Variants in PTCHD4 observed in about 807,000 individuals in gnomAD.
PTCHD4 encodes patched domain containing 4.
A neutral mutation model predicts 58.1 loss-of-function variants in PTCHD4; 33 were observed. The observed-to-expected ratio is 0.57, with a 90% confidence interval of 0.43 to 0.76. The LOEUF is 0.76. Among genes scored for constraint, PTCHD4 ranks in the 30% least tolerant of loss-of-function variants. PTCHD4 has a pLI of 0.00. For synonymous variants in PTCHD4, 478 were observed against 409.6 expected (o/e 1.17, Z -2.02); for missense variants, 1,058 against 1,027.1 (o/e 1.03, Z -0.41).
chr6:48,099,306 A>T (rs1457481966), intron 1 of PTCHD4, among the ~76,000 whole-genome samples: 1 of 152,200 alleles, frequency 6.6e-6, no homozygotes, highest in Non-Finnish European at 1.5e-5. Context: ...GGCCTTGAAG[A>T]AGCAGGCCAT....
At chr6:47,896,191 T>C (rs1764523196) in intron 4 of PTCHD4, among the ~76,000 whole-genome samples, 1 of 152,214 alleles carries the variant, frequency 6.6e-6, no homozygotes, top group Non-Finnish European at 1.5e-5. Context: ...TTTCATTTTC[T>C]GTACTGTAGT....
In PTCHD4 at chr6:47,872,851, C is replaced by T. The variant is rs1221024400; in HGVS notation, c.*5452G>A. ...TTATACTATAAATATATTCTTAACC[C>T]TATATATTGCTCTTTTGAGTTGTTT... On this transcript the variant is annotated 3_prime_UTR_variant, in exon 5 of 5. Transcript: ENST00000339488. Among the ~76,000 whole-genome samples the T allele has an allele frequency of 1.3e-5, 2 of 151,428 alleles. No individual in the cohort carries two copies. The highest frequency in any genetic ancestry group is 3.0e-5 in the Non-Finnish European group (2 of 67,690).
chr6:48,011,483 G>C (rs532227942), intron 3 of PTCHD4, among the ~76,000 whole-genome samples: 11 of 152,192 alleles, frequency 7.2e-5, no homozygotes, highest in Middle Eastern at 3.4e-3. Flanking sequence ...TTCTTTGTCA[G>C]ATGGATAGAT....
chr6:48,040,619 G>A (rs1763811849), intron 3 of PTCHD4, among the ~76,000 whole-genome samples: 1 of 152,008 alleles, frequency 6.6e-6, no homozygotes, highest in Admixed American at 6.6e-5. Flanking sequence ...GCATGGTAGA[G>A]GTATTAAGAA....
At chr6:47,935,000 A>G (rs138091222) in intron 4 of PTCHD4, among the ~76,000 whole-genome samples, 1 of 152,332 alleles carries the variant, frequency 6.6e-6, no homozygotes, top group African/African-American at 2.4e-5. Context: ...ACATAACAAA[A>G]TAGGGTTGAA....
rs142284861 is a variant in PTCHD4 at position 47,915,205 on chromosome 6, A to G, written c.899-35269T>C. Among the ~76,000 whole-genome samples the G allele has an allele frequency of 3.5e-4, 53 of 152,244 alleles. No individual in the cohort carries two copies. In the East Asian group the frequency reaches 9.5e-3, roughly 27 times the overall value. On this transcript the variant is annotated intron_variant, in intron 4 of 4. Coordinates refer to ENST00000339488, the MANE Select transcript of PTCHD4 (RefSeq NM_001384253.1). Reference sequence around the variant, plus strand: ...CAGGCTCTCCAAAATGCATGTCAATATGGATTGTAAAAGCTGATGTTAAAT... The same window carrying G: ...CAGGCTCTCCAAAATGCATGTCAATGTGGATTGTAAAAGCTGATGTTAAAT...
Position 47,858,224 on chromosome 6 carries a change from G to A in PTCHD4, c.*20079C>T, listed in dbSNP as rs1219061877. Among the ~76,000 whole-genome samples the A allele has an allele frequency of 6.6e-6, 1 of 151,976 alleles. No homozygotes were observed. The highest frequency in any genetic ancestry group is 1.5e-5 in the Non-Finnish European group (1 of 67,950). Reference sequence around the variant, plus strand: ...TTTCATAAACATACTTGATTTTATAGCAGGCACCCCCAATTTTGGATTCAG... The same window carrying A: ...TTTCATAAACATACTTGATTTTATAACAGGCACCCCCAATTTTGGATTCAG... On this transcript the variant is annotated 3_prime_UTR_variant, in exon 5 of 5. Transcript: ENST00000339488.
intron 1 of PTCHD4, among the ~76,000 whole-genome samples, chr6:48,100,217 A>G (rs1179863504): frequency 6.6e-6 from 1 of 152,228 alleles, no homozygotes; most frequent in Non-Finnish European, 1.5e-5. Flanking sequence ...TACTTAAACC[A>G]ATCAAGATAT....
At position 47,938,569 on chromosome 6, in the gene PTCHD4, C is replaced by A. The variant is rs567099670; in HGVS notation, c.899-58633G>T. Among the ~76,000 whole-genome samples the A allele has an allele frequency of 2.4e-4, 36 of 152,284 alleles. No homozygotes were observed. In the East Asian group the frequency reaches 6.2e-3, roughly 26 times the overall value. On this transcript the variant is annotated intron_variant, in intron 4 of 4. Coordinates refer to ENST00000339488, the MANE Select transcript of PTCHD4 (RefSeq NM_001384253.1). ...TAAAGGCGATGGGAGAGAACTGCAA[C>A]ATAGTACTAGGCAAGTGGGTAGTGA...
intron 4 of PTCHD4, among the ~76,000 whole-genome samples, chr6:47,992,267 GTA>G (rs574599636): frequency 6.6e-6 from 1 of 152,012 alleles, no homozygotes; most frequent in Admixed American, 6.6e-5. Flanking sequence ...ATATAATTGT[GTA>G]TATATATACA....
intron 3 of PTCHD4, among the ~76,000 whole-genome samples, chr6:48,066,099 CTTTT>C (rs1554178100): frequency 7.6e-6 from 1 of 131,246 alleles, no homozygotes. Context: ...CTGACATCTA[CTTTT>C]TTTTTTTTTT....
intron 4 of PTCHD4, among the ~76,000 whole-genome samples, chr6:47,919,398 T>C (rs1344900894): frequency 1.3e-5 from 2 of 152,092 alleles, no homozygotes; most frequent in Non-Finnish European, 1.5e-5. Context: ...AAGCAAAATA[T>C]AGTAATTAGA....
intron 4 of PTCHD4, among the ~76,000 whole-genome samples, chr6:47,981,294 T>C (rs963932164): frequency 2.6e-5 from 4 of 152,152 alleles, no homozygotes; most frequent in African/African-American, 7.2e-5. Flanking sequence ...TTTCTAAATA[T>C]GTTTTCGCTC....
At chr6:47,883,003 T>C (rs1764068091) in intron 4 of PTCHD4, among the ~76,000 whole-genome samples, 1 of 151,772 alleles carries the variant, frequency 6.6e-6, no homozygotes, top group South Asian at 2.1e-4. Context: ...TTCTTGATTC[T>C]AGATGGGTCC....
chr6:47,904,992 A>G (rs1195512243), intron 4 of PTCHD4, among the ~76,000 whole-genome samples: 4 of 149,998 alleles, frequency 2.7e-5, no homozygotes, highest in African/African-American at 9.8e-5. Flanking sequence ...ATGATGTGCA[A>G]AGGTGGTAAA....
intron 4 of PTCHD4, among the ~76,000 whole-genome samples, chr6:48,003,452 C>A (rs1333714118): frequency 6.6e-6 from 1 of 152,122 alleles, no homozygotes; most frequent in Non-Finnish European, 1.5e-5. Flanking sequence ...CATATCTAGT[C>A]CCTCACTGAG....
At chr6:48,098,342 C>CT (rs776103767) in intron 1 of PTCHD4, among the ~76,000 whole-genome samples, 3,043 of 140,278 alleles carry the variant, frequency 0.022, 112 homozygotes, top group African/African-American at 0.059. Context: ...TCTTCTTCTT[C>CT]TTTTTTTTTT....
intron 4 of PTCHD4, among the ~76,000 whole-genome samples, chr6:47,897,940 C>CTTTTTTTTTTTTTTTTTTTTTTTT (rs67063892): frequency 1.3e-5 from 1 of 76,356 alleles, no homozygotes; most frequent in Non-Finnish European, 2.4e-5. Flanking sequence ...TTCTTTCTTT[C>CTTTTTTTTTTTTTTTTTTTTTTTT]TTTTTTTTTT....
chr6:47,905,560 C>G (rs759419912), intron 4 of PTCHD4, among the ~76,000 whole-genome samples: 1 of 152,108 alleles, frequency 6.6e-6, no homozygotes. Flanking sequence ...TACATGTAGC[C>G]TACTATGATA....
Sources: gnomAD v4.1 joint callset for allele counts (sites outside exome capture counted in the v4.1 genomes callset) on GRCh38, gnomAD v4.1.1 for gene constraint, MANE v1.5 for transcripts, NCBI Gene and HGNC (gene_info 2026-07-23, HGNC 2026-07-21) for gene names.